JPH3: variants seen among roughly 807,000 people sequenced by gnomAD.
The protein encoded by JPH3 is junctophilin 3, also known as junctophilin-3.
Under a neutral mutation model 59.6 loss-of-function variants are expected in JPH3, and 11 were observed. The ratio of observed to expected loss-of-function variants is 0.18; its 90% confidence interval spans 0.12 to 0.31. JPH3 has a LOEUF of 0.31. JPH3 is among the 10% of genes least tolerant of loss of function. JPH3 has a pLI of 1.00. For missense variants in JPH3, 1,202 were observed against 1,105.7 expected (o/e 1.09, Z -1.24); for synonymous variants, 673 against 483.6 (o/e 1.39, Z -5.14).
At chr16:87,649,280 C>T (rs1337104761) in intron 2 of JPH3, among the ~76,000 whole-genome samples, 1 of 152,226 alleles carries the variant, frequency 6.6e-6, no homozygotes, top group Non-Finnish European at 1.5e-5. Flanking sequence ...GCCGTGTCGC[C>T]TAGCAGTGCA....
chr16:87,662,525 T>C (rs2032738498), intron 2 of JPH3, among the ~76,000 whole-genome samples: 1 of 152,118 alleles, frequency 6.6e-6, no homozygotes, highest in Non-Finnish European at 1.5e-5. Context: ...TCCAGGATGT[T>C]CGTTTTGGGG....
chr16:87,625,940 A>T (rs1219588623), intron 1 of JPH3, among the ~76,000 whole-genome samples: 9 of 152,220 alleles, frequency 5.9e-5, no homozygotes. Flanking sequence ...AAGCCCCTGC[A>T]CAGCGCACGT....
intron 1 of JPH3, among the ~76,000 whole-genome samples, chr16:87,612,420 G>T: frequency 6.6e-6 from 1 of 152,052 alleles, no homozygotes; most frequent in East Asian, 1.9e-4. Flanking sequence ...CTTTTTTACA[G>T]GATTACAGGT....
intron 2 of JPH3, among the ~76,000 whole-genome samples, chr16:87,683,197 A>C (rs2033337101): frequency 6.6e-6 from 1 of 152,344 alleles, no homozygotes; most frequent in East Asian, 1.9e-4. Flanking sequence ...AGTGGCAGGA[A>C]GCACAGACAC....
chr16:87,667,089 C>T (rs1597276940), intron 2 of JPH3, among the ~76,000 whole-genome samples: 4 of 152,210 alleles, frequency 2.6e-5, no homozygotes, highest in African/African-American at 9.6e-5. Context: ...TGGGGAGGGT[C>T]CCTTCCGGCT....
intron 2 of JPH3, among the ~76,000 whole-genome samples, chr16:87,646,927 C>T (rs1162111510): frequency 6.6e-6 from 1 of 152,116 alleles, no homozygotes; most frequent in African/African-American, 2.4e-5. Context: ...AGTTTTCAGA[C>T]GAATTCCCCT....
intron 1 of JPH3, among the ~76,000 whole-genome samples, chr16:87,630,646 T>G (rs2031536758): frequency 6.6e-6 from 1 of 152,218 alleles, no homozygotes; most frequent in African/African-American, 2.4e-5. Context: ...ATTGAGCTAT[T>G]ATGTGCCCAT....
At chr16:87,655,513 C>T (rs564582241) in intron 2 of JPH3, among the ~76,000 whole-genome samples, 1 of 152,222 alleles carries the variant, frequency 6.6e-6, no homozygotes, top group East Asian at 1.9e-4. Context: ...ACCACCACGC[C>T]CAGCTAACAT....
Position 87,644,320 on chromosome 16 carries a change from C to T in JPH3, c.445C>T (p.Pro149Ser). Residue 149 changes from proline to serine, a missense_variant, in exon 2 of 5, where the codon CCG becomes TCG. Pro to Ser is a moderately conservative substitution (Grantham distance 74, BLOSUM62 -1). Transcript: ENST00000284262. ...RQGYGVRQSV[P>S]YGMAAVIRSP... is the part of the protein sequence containing the mutation. ...GGGCTACGGCGTCCGGCAGAGCGTC[C>T]CGTATGGCATGGCCGCGGTCATCCG... 1.2e-6 allele frequency: 2 copies of T among 1,612,906 alleles called. No homozygotes were observed. Among genetic ancestry groups the T allele is most frequent in the Non-Finnish European group, 1.7e-6 (2 of 1,179,918 alleles).
chr16:87,663,566 G>A (rs1294195232), intron 2 of JPH3, among the ~76,000 whole-genome samples: 1 of 152,206 alleles, frequency 6.6e-6, no homozygotes, highest in Non-Finnish European at 1.5e-5. Context: ...CAGAAGCACT[G>A]GGTGAACACA....
In JPH3 at chr16:87,695,470, C is replaced by A. The variant is rs943686819; in HGVS notation, c.2167-1110C>A. On this transcript the variant is annotated intron_variant, in intron 4 of 4. Coordinates refer to ENST00000284262, the MANE Select transcript of JPH3 (RefSeq NM_020655.4). ...AGTGGAGGGCTCCGGGGGCTCTGAA[C>A]AGCTCCTTACCACAGTGGGGTCTAC... 1.8e-5 allele frequency: 8 copies of A among 455,756 alleles called. No individual in the cohort carries two copies. The East Asian group carries it at 2.8e-4, about 16-fold the overall frequency. The allele number at this position is 455,756 out of a possible 1,614,324, so 28.2% of individuals were successfully genotyped here. A position where few individuals can be genotyped will look rare whatever the true frequency, so the allele number is the denominator to read the frequency against.
chr16:87,633,925 T>C (rs2031647977), intron 1 of JPH3, among the ~76,000 whole-genome samples: 1 of 152,110 alleles, frequency 6.6e-6, no homozygotes, highest in Non-Finnish European at 1.5e-5. Flanking sequence ...AGCAATTTCA[T>C]TCTAGGAATT....
intron 1 of JPH3, among the ~76,000 whole-genome samples, chr16:87,620,457 A>AGAGGGAGAGAAAG (rs150066840): frequency 1.1e-5 from 1 of 94,794 alleles, no homozygotes; most frequent in African/African-American, 4.0e-5. Context: ...AGAGAGAAGG[A>AGAGGGAGAGAAAG]GAGAGAGGGA....
chr16:87,612,397 C>G (rs910440109), intron 1 of JPH3, among the ~76,000 whole-genome samples: 1 of 144,150 alleles, frequency 6.9e-6, no homozygotes. Context: ...AGTGCTTTTA[C>G]AGGTGTGAGC....
intron 1 of JPH3, among the ~76,000 whole-genome samples, chr16:87,627,745 C>T (rs967364721): frequency 5.3e-5 from 8 of 152,214 alleles, no homozygotes; most frequent in African/African-American, 1.9e-4. Flanking sequence ...GGCTAGGAAG[C>T]TAACAGCCAG....
chr16:87,624,682 GTCCTT>G (rs1199187328), intron 1 of JPH3, among the ~76,000 whole-genome samples: 1 of 152,226 alleles, frequency 6.6e-6, no homozygotes, highest in Admixed American at 6.5e-5. Context: ...GACCATTTGC[GTCCTT>G]TCGTTTCCTC....
chr16:87,665,325 C>A (rs74039443), intron 2 of JPH3, among the ~76,000 whole-genome samples: 1 of 152,222 alleles, frequency 6.6e-6, no homozygotes, highest in Admixed American at 6.5e-5. Context: ...GGTTTCTCCC[C>A]ATTGTGCAGG....
chr16:87,629,911 G>A (rs987700861), intron 1 of JPH3, among the ~76,000 whole-genome samples: 4 of 152,012 alleles, frequency 2.6e-5, no homozygotes, highest in Non-Finnish European at 5.9e-5. Flanking sequence ...GGGGGCGAGG[G>A]GATACAGTAT....
chr16:87,653,076 G>GA (rs2032378252), intron 2 of JPH3, among the ~76,000 whole-genome samples: 1 of 152,136 alleles, frequency 6.6e-6, no homozygotes, highest in African/African-American at 2.4e-5. Context: ...CTGCGGGGGG[G>GA]ACTAGAATTC....
Sources: allele counts gnomAD v4.1 joint callset (sites outside exome capture counted in the v4.1 genomes callset), GRCh38; gene constraint gnomAD v4.1.1; transcripts MANE v1.5; gene names NCBI Gene and HGNC (gene_info 2026-07-23, HGNC 2026-07-21).